MGST1: variants seen among roughly 807,000 people sequenced by gnomAD.
MGST1 encodes glutathione S-transferase 12.
A neutral mutation model predicts 8.9 loss-of-function variants in MGST1; 5 were observed. That is an observed-to-expected ratio of 0.56 (90% confidence interval 0.29 to 1.19). MGST1 has a LOEUF of 1.19. MGST1 is among the 50% of genes most tolerant of loss of function. The probability of loss-of-function intolerance (pLI) is 0.08; values close to 1 mark genes in which losing one functional copy is unlikely to be tolerated. For missense variants in MGST1, 182 were observed against 187.4 expected (o/e 0.97, Z 0.17); for synonymous variants, 54 against 67.8 (o/e 0.80, Z 1.00).
chr12:16,348,463 G>C (rs1183597181), intron 1 of MGST1, among the ~76,000 whole-genome samples: 1 of 152,158 alleles, frequency 6.6e-6, no homozygotes, highest in African/African-American at 2.4e-5. Context: ...TAGCTGGCTT[G>C]GGACAGAGGA....
intron 4 of MGST1, among the ~76,000 whole-genome samples, chr12:16,484,642 A>G (rs551883622): frequency 6.6e-6 from 1 of 152,138 alleles, no homozygotes; most frequent in African/African-American, 2.4e-5. Flanking sequence ...GGAGGAAGAG[A>G]GCAAAGAGGT....
chr12:16,404,755 T>C (rs1251195379), intron 1 of MGST1, among the ~76,000 whole-genome samples: 1 of 152,176 alleles, frequency 6.6e-6, no homozygotes, highest in Non-Finnish European at 1.5e-5. Flanking sequence ...ATTGAATCAG[T>C]GGTCTTCTAG....
downstream of MGST1, among the ~76,000 whole-genome samples, chr12:16,369,022 A>G (rs964652122): frequency 1.3e-5 from 2 of 152,162 alleles, no homozygotes; most frequent in Non-Finnish European, 2.9e-5. This position sits in a 1 kb window ranked among gnomAD's most constrained non-coding sequence, Gnocchi z 4.8. Context: ...GAGGTTGCCT[A>G]AAGTTCTTAG....
At chr12:16,567,962 T>C (rs981174012) in intron 4 of MGST1, among the ~76,000 whole-genome samples, 2 of 152,154 alleles carry the variant, frequency 1.3e-5, no homozygotes, top group Non-Finnish European at 2.9e-5. Context: ...ATGGTGGGGG[T>C]AATAAAATTA....
intron 4 of MGST1, among the ~76,000 whole-genome samples, chr12:16,444,743 T>C (rs771796371): frequency 6.6e-6 from 1 of 151,900 alleles, no homozygotes; most frequent in Non-Finnish European, 1.5e-5. Context: ...AATTTACTTA[T>C]GCTTTTTGTT....
chr12:16,394,972 C>A (rs1172461286), intron 1 of MGST1, among the ~76,000 whole-genome samples: 2 of 151,964 alleles, frequency 1.3e-5, no homozygotes, highest in East Asian at 1.9e-4. Flanking sequence ...TTATGTATAG[C>A]AAATATATTC....
In MGST1 at chr12:16,410,910, G is replaced by A. The variant is rs1398330895; in HGVS notation, n.779-26478G>A. 2.6e-5 allele frequency among the ~76,000 whole-genome samples: 4 copies of A among 151,886 alleles called. No individual in the cohort carries two copies. The highest frequency in any genetic ancestry group is 6.6e-5 in the Admixed American group (1 of 15,232). ...TTCTCTTGCTTTTGTACCCTGCCAGGCTGGCCTATGTTCAATGTTTTGTGT... is the reference window on the plus strand; with the variant it reads ...TTCTCTTGCTTTTGTACCCTGCCAGACTGGCCTATGTTCAATGTTTTGTGT... On this transcript the variant is annotated intron_variant and non_coding_transcript_variant, in intron 1 of 1. Transcript: ENST00000359720. This position sits in a 1 kb window ranked among gnomAD's most constrained non-coding sequence, Gnocchi z 4.4.
intron 1 of MGST1, among the ~76,000 whole-genome samples, chr12:16,403,219 T>C (rs754767017): frequency 6.6e-5 from 10 of 152,192 alleles, no homozygotes; most frequent in Non-Finnish European, 1.2e-4. Context: ...TTAAATGGTT[T>C]AAATTTTTAT....
chr12:16,435,528 T>G (rs1451093161), intron 1 of MGST1, among the ~76,000 whole-genome samples: 6 of 152,000 alleles, frequency 3.9e-5, no homozygotes, highest in African/African-American at 1.4e-4. Flanking sequence ...TGAAAACACT[T>G]TCATCAAATA....
intron 1 of MGST1, among the ~76,000 whole-genome samples, chr12:16,351,638 C>T (rs888281790): frequency 3.3e-5 from 5 of 151,946 alleles, no homozygotes; most frequent in African/African-American, 7.3e-5. Context: ...GGTGAAACCC[C>T]GTCTTTACTA....
intron 4 of MGST1, among the ~76,000 whole-genome samples, chr12:16,580,574 A>G (rs1943128773): frequency 6.6e-6 from 1 of 152,224 alleles, no homozygotes; most frequent in African/African-American, 2.4e-5. Context: ...AGGATCAGGT[A>G]GTAGATTATA....
intron 4 of MGST1, among the ~76,000 whole-genome samples, chr12:16,463,806 G>T (rs7979086): frequency 6.6e-6 from 1 of 152,180 alleles, no homozygotes; most frequent in Non-Finnish European, 1.5e-5. Context: ...TGTTGTCTAA[G>T]TACAGCTCAT....
At chr12:16,514,118 C>T in intron 4 of MGST1, 1 of 368,146 alleles carries the variant, frequency 2.7e-6, no homozygotes, top group South Asian at 2.5e-5. Flanking sequence ...TCGACATGGC[C>T]TACCAAGGCT....
chr12:16,569,880 C>A (rs1942754158), intron 4 of MGST1, among the ~76,000 whole-genome samples: 1 of 152,074 alleles, frequency 6.6e-6, no homozygotes, highest in African/African-American at 2.4e-5. Flanking sequence ...TTAACTATAT[C>A]TTTAAAGTAA....
downstream of MGST1, among the ~76,000 whole-genome samples, chr12:16,366,658 CACACACAT>C (rs777111082): frequency 0.091 from 3,278 of 36,162 alleles, 53 homozygotes; most frequent in East Asian, 0.45. The surrounding 1 kb of genome is among the most constrained non-coding windows in gnomAD (Gnocchi z 4.0). Flanking sequence ...CACACACACA[CACACACAT>C]ACACACACAC....
At chr12:16,428,875 C>G (rs1940915331) in intron 1 of MGST1, among the ~76,000 whole-genome samples, 1 of 151,926 alleles carries the variant, frequency 6.6e-6, no homozygotes, top group African/African-American at 2.4e-5. Flanking sequence ...CTAGTGATTT[C>G]TAATCTTTTC....
chr12:16,381,048 G>A (rs558810499), downstream of MGST1, among the ~76,000 whole-genome samples: 1 of 152,260 alleles, frequency 6.6e-6, no homozygotes, highest in African/African-American at 2.4e-5. Context: ...CTGCATGTGA[G>A]ATGCACCTGA....
At position 16,418,233 on chromosome 12, in the gene MGST1, T is replaced by A. The variant is rs74063779; in HGVS notation, n.779-19155T>A. ...CATTTTACTGAAAACTAAATTCAAATTTTAAAATACTATGCCCAAGGATGC... is the reference window on the plus strand; with the variant it reads ...CATTTTACTGAAAACTAAATTCAAAATTTAAAATACTATGCCCAAGGATGC... On this transcript the variant is annotated intron_variant and non_coding_transcript_variant, in intron 1 of 1. Transcript: ENST00000359720. Among the ~76,000 whole-genome samples the A allele has an allele frequency of 1.6e-3, 251 of 152,268 alleles. 1 individual carries two copies. Among genetic ancestry groups the A allele is most frequent in the African/African-American group, 5.8e-3 (241 of 41,556 alleles).
At chr12:16,396,303 T>C (rs528630817) in intron 1 of MGST1, among the ~76,000 whole-genome samples, 27 of 152,248 alleles carry the variant, frequency 1.8e-4, no homozygotes, top group African/African-American at 6.5e-4. Context: ...GTAAAAGTCA[T>C]CTATGACAAA....
Sources: allele counts gnomAD v4.1 joint callset (sites outside exome capture counted in the v4.1 genomes callset), GRCh38; gene constraint gnomAD v4.1.1; non-coding constraint Gnocchi (gnomAD v3.1); transcripts MANE v1.5; gene names NCBI Gene and HGNC (gene_info 2026-07-23, HGNC 2026-07-21).